Variants in GRIA4 observed in about 807,000 individuals in gnomAD.
GRIA4 encodes the protein glutamate ionotropic receptor AMPA type subunit 4, also known as glutamate receptor 4.
GRIA4 carries 34 observed loss-of-function variants against 104.0 expected under a neutral mutation model. That is an observed-to-expected ratio of 0.33 (90% CI 0.25 to 0.44). GRIA4 has a LOEUF of 0.44. Ranked by LOEUF, GRIA4 falls within the 20% of genes least tolerant of loss-of-function variation. The probability of loss-of-function intolerance (pLI) is 1.00; values close to 1 mark genes in which losing one functional copy is unlikely to be tolerated. For synonymous variants in GRIA4, 386 were observed against 381.9 expected, an observed-to-expected ratio of 1.01 and a Z score of -0.13; for missense variants, 750 against 1,096.5, an observed-to-expected ratio of 0.68 and a Z score of 4.46.
At chr11:105,636,823 T>G (rs1457538213) in intron 3 of GRIA4, among the ~76,000 whole-genome samples, 1 of 152,114 alleles carries the variant, frequency 6.6e-6, no homozygotes. Context: ...GAGGCAAAAA[T>G]GCACAGGTCT....
At chr11:105,750,136 CAA>C (rs926504025) in intron 3 of GRIA4, among the ~76,000 whole-genome samples, 1 of 151,960 alleles carries the variant, frequency 6.6e-6, no homozygotes, top group African/African-American at 2.4e-5. Context: ...AATTTTGATT[CAA>C]GAGTGTTTTC....
intron 14 of GRIA4, among the ~76,000 whole-genome samples, chr11:105,966,268 T>C (rs1281269882): frequency 1.3e-5 from 2 of 152,210 alleles, no homozygotes; most frequent in Non-Finnish European, 2.9e-5. Flanking sequence ...ATGAAAATAG[T>C]CACTGAAAAT....
At chr11:105,897,254 T>C (rs563394597) in intron 6 of GRIA4, among the ~76,000 whole-genome samples, 4 of 152,268 alleles carry the variant, frequency 2.6e-5, no homozygotes, top group South Asian at 2.1e-4. Flanking sequence ...TTTGGGGGCA[T>C]TGATTTTGTA....
intron 3 of GRIA4, among the ~76,000 whole-genome samples, chr11:105,718,360 T>C (rs769080054): frequency 6.6e-6 from 1 of 152,190 alleles, no homozygotes; most frequent in Non-Finnish European, 1.5e-5. Flanking sequence ...CTGATGCCTG[T>C]AATGGAGAGT....
rs55824302 is a variant in GRIA4 at position 105,860,956 on chromosome 11, GAAAAA to G, written c.488-1051_488-1047del. Among the ~76,000 whole-genome samples, 228 of 106,090 alleles carry G rather than the reference GAAAAA, an allele frequency of 2.1e-3. 2 individuals carry two copies. The highest frequency in any genetic ancestry group is 6.6e-3 in the African/African-American group (184 of 28,064). The allele number at this position is 106,090 out of a possible 152,430, so 69.6% of individuals were successfully genotyped here. The stretch of plus-strand genomic sequence containing the variant: ...CCTGGGCAACAGAGCAAGACTGTCT[GAAAAA>G]AAAAAAAAAAAAAAAAGAGAGATGG... On this transcript the variant is annotated intron_variant, in intron 4 of 16. Coordinates refer to ENST00000282499, the MANE Select transcript of GRIA4 (RefSeq NM_000829.4).
chr11:105,696,757 T>C (rs1953291853), intron 3 of GRIA4, among the ~76,000 whole-genome samples: 1 of 131,350 alleles, frequency 7.6e-6, no homozygotes, highest in Non-Finnish European at 1.7e-5. Flanking sequence ...CCTGACATAT[T>C]TCTTTCTGAT....
chr11:105,637,798 G>A (rs541342450), intron 3 of GRIA4, among the ~76,000 whole-genome samples: 1 of 152,202 alleles, frequency 6.6e-6, no homozygotes, highest in African/African-American at 2.4e-5. Context: ...ACTTTAACAA[G>A]TAGGTAAGAG....
intron 4 of GRIA4, among the ~76,000 whole-genome samples, chr11:105,856,539 A>G (rs2136003360): frequency 6.6e-6 from 1 of 152,178 alleles, no homozygotes; most frequent in South Asian, 2.1e-4. Flanking sequence ...TCCACTTATA[A>G]CCCATTGCCC....
chr11:105,763,161 A>G (rs1940748710), intron 4 of GRIA4, among the ~76,000 whole-genome samples: 1 of 152,216 alleles, frequency 6.6e-6, no homozygotes, highest in Non-Finnish European at 1.5e-5. Context: ...CTCAAGAAAT[A>G]TAATTTTCTA....
At chr11:105,742,051 G>A (rs895423087) in intron 3 of GRIA4, among the ~76,000 whole-genome samples, 2 of 152,088 alleles carry the variant, frequency 1.3e-5, no homozygotes, top group Admixed American at 6.6e-5. Context: ...TCATTCAGTA[G>A]GGTTTTATGG....
At chr11:105,916,737 AC>A (rs1947417730) in intron 10 of GRIA4, among the ~76,000 whole-genome samples, 1 of 152,246 alleles carries the variant, frequency 6.6e-6, no homozygotes, top group Non-Finnish European at 1.5e-5. Context: ...GTACTTGAGT[AC>A]AAAAATTCAT....
intron 4 of GRIA4, among the ~76,000 whole-genome samples, chr11:105,851,393 G>C (rs193130365): frequency 6.6e-6 from 1 of 152,110 alleles, no homozygotes; most frequent in Non-Finnish European, 1.5e-5. Context: ...TGACAGGCAC[G>C]CTGTATACTT....
intron 3 of GRIA4, among the ~76,000 whole-genome samples, chr11:105,725,403 C>G (rs1458742484): frequency 1.3e-5 from 2 of 152,148 alleles, no homozygotes; most frequent in Non-Finnish European, 2.9e-5. Context: ...ATGCCATTGC[C>G]TGGTTTCAGC....
chr11:105,750,314 G>A lies in GRIA4; in HGVS notation c.248-2667G>A, dbSNP rs530384422. 8.5e-5 allele frequency among the ~76,000 whole-genome samples: 13 copies of A among 152,178 alleles called. No homozygotes were observed. In the East Asian group the frequency reaches 2.3e-3, roughly 27 times the overall value. On this transcript the variant is annotated intron_variant, in intron 3 of 16. Transcript: ENST00000282499. ...AAACCCAATAACCCTCACTTGCTAA[G>A]CCTATGATCTAGACAAAATAGGAAA...
chr11:105,714,596 A>G (rs1302034797), intron 3 of GRIA4, among the ~76,000 whole-genome samples: 1 of 152,148 alleles, frequency 6.6e-6, no homozygotes, highest in African/African-American at 2.4e-5. Context: ...ATTCATTTCT[A>G]GTAAAATCAT....
In GRIA4 at chr11:105,905,311, G is replaced by A. The variant is rs768114819; in HGVS notation, c.1158+10G>A. On this transcript the variant is annotated intron_variant, in intron 9 of 16. Coordinates refer to ENST00000282499, the MANE Select transcript of GRIA4 (RefSeq NM_000829.4). ...CACAGGACCTAGAAAGGTGAGCCACGATCAAACTGAAAAACAGAATTCTCT... is the reference window on the plus strand; with the variant it reads ...CACAGGACCTAGAAAGGTGAGCCACAATCAAACTGAAAAACAGAATTCTCT... The A allele has an allele frequency of 2.6e-5, 36 of 1,396,492 alleles. No homozygotes were observed. Among genetic ancestry groups the A allele is most frequent in the Non-Finnish European group, 3.2e-5 (31 of 983,318 alleles). 86.5% of individuals were successfully genotyped at this position (1,396,492 alleles called of 1,614,324 possible). A position where few individuals can be genotyped will look rare whatever the true frequency, so the allele number is the denominator to read the frequency against.
intron 3 of GRIA4, among the ~76,000 whole-genome samples, chr11:105,691,072 T>C (rs560378351): frequency 6.6e-6 from 1 of 152,262 alleles, no homozygotes; most frequent in East Asian, 1.9e-4. Flanking sequence ...GGGGTGTGTG[T>C]GTGGGCTTGT....
chr11:105,665,926 G>A (rs929542811), intron 3 of GRIA4, among the ~76,000 whole-genome samples: 6 of 151,950 alleles, frequency 3.9e-5, no homozygotes, highest in African/African-American at 1.4e-4. Flanking sequence ...TTGCATGTAC[G>A]TGATGGATGA....
chr11:105,848,956 G>A (rs565415399), intron 4 of GRIA4, among the ~76,000 whole-genome samples: 1 of 152,228 alleles, frequency 6.6e-6, no homozygotes, highest in South Asian at 2.1e-4. Context: ...TCCTTGGGAG[G>A]CCAAGGCAGG....
Sources: allele counts gnomAD v4.1 joint callset (sites outside exome capture counted in the v4.1 genomes callset), GRCh38; gene constraint gnomAD v4.1.1; transcripts MANE v1.5; gene names NCBI Gene and HGNC (gene_info 2026-07-23, HGNC 2026-07-21).